Variants in GNG7 observed in about 807,000 individuals in gnomAD.
GNG7 encodes the protein G protein subunit gamma 7.
Under a neutral mutation model 4.0 loss-of-function variants are expected in GNG7, and 1 was observed. That is an observed-to-expected ratio of 0.25 (90% confidence interval 0.09 to 1.18). The LOEUF (loss-of-function observed/expected upper bound fraction) is 1.18, where lower values mean the gene tolerates loss of function less well. GNG7 is among the 50% of genes most tolerant of loss of function. GNG7 has a pLI of 0.50. For missense variants in GNG7, 86 were observed against 91.9 expected (o/e 0.94, Z 0.26); for synonymous variants, 34 against 36.9 (o/e 0.92, Z 0.29).
chr19:2,555,372 A>C (rs1318483408), intron 2 of GNG7, among the ~76,000 whole-genome samples, 184 bp from the exon 3 acceptor site: 1 of 152,136 alleles, frequency 6.6e-6, no homozygotes, highest in Non-Finnish European at 1.5e-5. Context: ...TTTATTCTTT[A>C]CCACCGATCC....
intron 3 of GNG7, among the ~76,000 whole-genome samples, chr19:2,547,939 C>T (rs114482008): frequency 2.0e-5 from 3 of 152,290 alleles, no homozygotes; most frequent in East Asian, 1.9e-4. Context: ...GGGGCCGGCC[C>T]GTCCGGGCAC....
In GNG7 at chr19:2,654,575, T is replaced by C. The variant is rs56702250; in HGVS notation, c.-134-8295A>G. The stretch of plus-strand genomic sequence containing the variant: ...CAGATCCCCAAGAGACTGTGTCCCA[T>C]GATCCTCCCCCTTGCTGAGGTCCCA... On this transcript the variant is annotated intron_variant, in intron 1 of 4. Coordinates refer to ENST00000382159, the MANE Select transcript of GNG7 (RefSeq NM_052847.3). Among the ~76,000 whole-genome samples the C allele has an allele frequency of 1.0e-3, 135 of 135,408 alleles. 1 individual carries two copies. In the East Asian group the frequency reaches 0.029, roughly 29 times the overall value. 88.8% of individuals were successfully genotyped at this position (135,408 alleles called of 152,430 possible).
intron 3 of GNG7, among the ~76,000 whole-genome samples, chr19:2,545,094 C>T (rs984507764): frequency 6.6e-6 from 1 of 152,018 alleles, no homozygotes; most frequent in Non-Finnish European, 1.5e-5. Context: ...GATCATGGGA[C>T]GCAGAGTCTC....
chr19:2,617,030 T>A lies in GNG7; in HGVS notation c.-78+29194A>T. On this transcript the variant is annotated intron_variant, in intron 2 of 4. Transcript: ENST00000382159. This position sits in a 1 kb window ranked among gnomAD's most constrained non-coding sequence, Gnocchi z 4.7. Reference sequence around the variant, plus strand: ...AAGCTTTGCACCAGCCTTCCACCAGTGTGCTGCCCAGCACGTGACTATCGG... The same window carrying A: ...AAGCTTTGCACCAGCCTTCCACCAGAGTGCTGCCCAGCACGTGACTATCGG... Among the ~76,000 whole-genome samples the A allele has an allele frequency of 6.6e-6, 1 of 152,188 alleles. No individual in the cohort carries two copies.
At chr19:2,638,353 C>T (rs1342172951) in intron 2 of GNG7, among the ~76,000 whole-genome samples, 1 of 143,726 alleles carries the variant, frequency 7.0e-6, no homozygotes, top group Non-Finnish European at 1.5e-5. Flanking sequence ...CAGAGCGAGA[C>T]TCTGTCAGAA....
chr19:2,567,142 A>C lies in GNG7; in HGVS notation c.-77-11954T>G, dbSNP rs796740461. Reference sequence around the variant, plus strand: ...AAAAAACAAAAAAAACAAAAAAAAAACAAAAAAAAAAACACAAAAACAATA... The same window carrying C: ...AAAAAACAAAAAAAACAAAAAAAAACCAAAAAAAAAAACACAAAAACAATA... On this transcript the variant is annotated intron_variant, in intron 2 of 4. Transcript: ENST00000382159. Among the ~76,000 whole-genome samples, 316 of 115,408 alleles carry C rather than the reference A, an allele frequency of 2.7e-3. 2 individuals are homozygous for C. The highest frequency in any genetic ancestry group is 7.2e-3 in the East Asian group (32 of 4,428). 75.7% of individuals were successfully genotyped at this position (115,408 alleles called of 152,430 possible). A position where few individuals can be genotyped will look rare whatever the true frequency, so the allele number is the denominator to read the frequency against.
intron 2 of GNG7, among the ~76,000 whole-genome samples, chr19:2,556,857 C>T (rs1979560523): frequency 6.6e-6 from 1 of 152,172 alleles, no homozygotes; most frequent in African/African-American, 2.4e-5. Flanking sequence ...CTGGCATCCA[C>T]CTGCTCCGTG....
chr19:2,646,783 G>A (rs925537846), intron 1 of GNG7, among the ~76,000 whole-genome samples: 2 of 152,136 alleles, frequency 1.3e-5, no homozygotes, highest in Admixed American at 6.5e-5. Context: ...CATTTTCCAC[G>A]TGTTTGAAAA....
chr19:2,677,418 A>C (rs7258632), intron 1 of GNG7, among the ~76,000 whole-genome samples: 42,867 of 149,998 alleles, frequency 0.29, 6,595 homozygotes, highest in East Asian at 0.56. Flanking sequence ...TGCTGATCAG[A>C]ACCTTGCAGT....
chr19:2,588,587 G>C (rs1290361207), intron 2 of GNG7, among the ~76,000 whole-genome samples: 1 of 152,162 alleles, frequency 6.6e-6, no homozygotes, highest in African/African-American at 2.4e-5. Context: ...CGTCAGTCAG[G>C]GGCCGTATTT....
At chr19:2,642,828 C>T (rs1188707003) in intron 2 of GNG7, 1 of 456,812 alleles carries the variant, frequency 2.2e-6, no homozygotes, top group Admixed American at 2.3e-5. Context: ...AACACCAAAC[C>T]TGTGGCAGCC....
intron 2 of GNG7, among the ~76,000 whole-genome samples, chr19:2,616,712 G>T (rs1981733380): frequency 6.6e-6 from 1 of 151,934 alleles, no homozygotes; most frequent in South Asian, 2.1e-4. Context: ...GGCAGAGGTT[G>T]CAGGTTGCAG....
intron 2 of GNG7, among the ~76,000 whole-genome samples, chr19:2,572,262 T>A (rs1980170794): frequency 6.6e-6 from 1 of 152,096 alleles, no homozygotes; most frequent in Non-Finnish European, 1.5e-5. Context: ...CAAGCAATCC[T>A]CCTGCCTCAG....
chr19:2,539,018 A>G (rs973710295), intron 3 of GNG7, among the ~76,000 whole-genome samples: 4 of 151,828 alleles, frequency 2.6e-5, no homozygotes, highest in Non-Finnish European at 4.4e-5. Flanking sequence ...TGATCTGCCC[A>G]CCTCGGCCTC....
chr19:2,513,403 G>A lies in GNG7; in HGVS notation c.*1619C>T, dbSNP rs1410030947. The A allele has an allele frequency of 1.9e-5, 13 of 699,138 alleles. No homozygotes were observed. The highest frequency in any genetic ancestry group is 2.7e-4 in the East Asian group (2 of 7,506). The allele number at this position is 699,138 out of a possible 1,614,324, so 43.3% of individuals were successfully genotyped here. A position where few individuals can be genotyped will look rare whatever the true frequency, so the allele number is the denominator to read the frequency against. On this transcript the variant is annotated 3_prime_UTR_variant, in exon 5 of 5. Transcript: ENST00000382159. ...CCAGGCCTCCTGCGATCAGGGCTGC[G>A]TGGGGTCCATCTCAGGTGTGGCCGC... is the stretch of plus-strand genomic sequence containing the variant.
intron 3 of GNG7, among the ~76,000 whole-genome samples, chr19:2,522,890 A>T (rs1247060804): frequency 6.7e-6 from 1 of 149,510 alleles, no homozygotes; most frequent in African/African-American, 2.5e-5. Context: ...TTTTAGACAG[A>T]GTCTCGCTCT....
rs915792382 is a variant in GNG7, at chr19:2,544,266, C to T, written c.-38+10883G>A. 3.3e-5 allele frequency among the ~76,000 whole-genome samples: 5 copies of T among 152,314 alleles called. No homozygotes were observed. In the East Asian group the frequency reaches 5.8e-4, roughly 18 times the overall value. ...CTCCGAGGCACTGTGAGGAACAAGT[C>T]GCCTTCGTACAGTGGCTGGGGCAGC... is the stretch of plus-strand genomic sequence containing the variant. On this transcript the variant is annotated intron_variant, in intron 3 of 4. Transcript: ENST00000382159.
At chr19:2,583,656 A>T (rs1980564776) in intron 2 of GNG7, among the ~76,000 whole-genome samples, 1 of 152,194 alleles carries the variant, frequency 6.6e-6, no homozygotes, top group African/African-American at 2.4e-5. Context: ...CAAGCACTTT[A>T]CCTGAAGAAT....
At chr19:2,572,484 T>C (rs1169817401) in intron 2 of GNG7, among the ~76,000 whole-genome samples, 1 of 152,014 alleles carries the variant, frequency 6.6e-6, no homozygotes, top group Non-Finnish European at 1.5e-5. Context: ...CAGGCTGGAG[T>C]GCAGTGGCCT....
Sources: gnomAD v4.1 joint callset for allele counts (sites outside exome capture counted in the v4.1 genomes callset) on GRCh38, gnomAD v4.1.1 for gene constraint, Gnocchi (gnomAD v3.1) non-coding constraint, MANE v1.5 for transcripts, NCBI Gene and HGNC (gene_info 2026-07-23, HGNC 2026-07-21) for gene names.